The following ZNF705A variants were observed in gnomAD, a reference collection of about 807,000 sequenced individuals.
ZNF705A encodes the protein zinc finger protein 705A.
ZNF705A carries 8 observed loss-of-function variants against 16.6 expected under a neutral mutation model. The ratio of observed to expected loss-of-function variants is 0.48; its 90% CI spans 0.28 to 0.87. The LOEUF (loss-of-function observed/expected upper bound fraction) is 0.87, where lower values mean the gene tolerates loss of function less well. Ranked by LOEUF, ZNF705A falls within the 40% of genes least tolerant of loss-of-function variation. The pLI, the probability that ZNF705A is intolerant of heterozygous loss-of-function variation, is 0.10. For missense variants in ZNF705A, 233 were observed against 359.9 expected (o/e 0.65, Z 2.85); for synonymous variants, 73 against 117.3 (o/e 0.62, Z 2.44).
intron 4 of ZNF705A, among the ~76,000 whole-genome samples, chr12:8,176,511 C>T (rs942989576): frequency 6.6e-6 from 1 of 152,078 alleles, no homozygotes; most frequent in Non-Finnish European, 1.5e-5. Flanking sequence ...GATTTTTTCA[C>T]ATAAGATGAC....
chr12:8,174,589 A>G (rs1364056853), intron 2 of ZNF705A, 137 bp downstream of exon 3: 31 of 1,545,926 alleles, frequency 2.0e-5, no homozygotes, highest in Non-Finnish European at 2.7e-5. Context: ...AAAAAGTTTG[A>G]ACTTTCTAAA....
chr12:8,177,607 A>G (rs1211629286), exon 5 of ZNF705A: 1 of 1,522,930 alleles, frequency 6.6e-7, no homozygotes, highest in Admixed American at 1.8e-5. Context: ...GCACTGGAGA[A>G]AAGCCATATG....
chr12:8,167,234 C>T (rs1386627294), intron 1 of ZNF705A, among the ~76,000 whole-genome samples: 1 of 152,164 alleles, frequency 6.6e-6, no homozygotes, highest in Non-Finnish European at 1.5e-5. Flanking sequence ...CTTTCTAGTA[C>T]ATATAATACA....
intron 4 of ZNF705A, among the ~76,000 whole-genome samples, chr12:8,176,641 T>A (rs1257721175): frequency 6.6e-6 from 1 of 152,208 alleles, no homozygotes; most frequent in Admixed American, 6.5e-5. Context: ...TGGGGATGAC[T>A]GCACCTGTAA....
At chr12:8,170,540 T>TA (rs34079089), upstream of ZNF705A, among the ~76,000 whole-genome samples, 72,453 of 151,486 alleles carry the variant, frequency 0.48, 17,843 homozygotes, top group Non-Finnish European at 0.56. Context: ...TATGACCAGG[T>TA]AATGACTTTT....
exon 1 of ZNF705A, chr12:8,172,555 C>G: frequency 6.3e-7 from 1 of 1,588,236 alleles, no homozygotes; most frequent in Non-Finnish European, 8.5e-7. Context: ...CCAACCTCAG[C>G]TTTTCTTAGT....
At chr12:8,164,104 C>T (rs1948379515) in intron 1 of ZNF705A, among the ~76,000 whole-genome samples, 1 of 152,072 alleles carries the variant, frequency 6.6e-6, no homozygotes, top group Admixed American at 6.5e-5. Flanking sequence ...GGTAAGAATA[C>T]AAAATCTACC....
chr12:8,165,450 A>ATTTT (rs57581482), intron 1 of ZNF705A, among the ~76,000 whole-genome samples: 6 of 81,948 alleles, frequency 7.3e-5, no homozygotes, highest in Non-Finnish European at 9.1e-5. Context: ...GCCCAGCTAA[A>ATTTT]TTTTTTTTTT....
chr12:8,160,039 T>C (rs983650416), intron 1 of ZNF705A, among the ~76,000 whole-genome samples: 4 of 152,192 alleles, frequency 2.6e-5, no homozygotes, highest in Non-Finnish European at 5.9e-5. Flanking sequence ...TTCTCCTACA[T>C]GTGGCTAGCC....
At chr12:8,164,568 A>G (rs1948382756) in intron 1 of ZNF705A, among the ~76,000 whole-genome samples, 1 of 152,088 alleles carries the variant, frequency 6.6e-6, no homozygotes, top group Non-Finnish European at 1.5e-5. Flanking sequence ...TCCCACTTGT[A>G]AGTTAGAATG....
chr12:8,157,402 C>A (rs1156462497), intron 1 of ZNF705A, among the ~76,000 whole-genome samples: 1 of 152,078 alleles, frequency 6.6e-6, no homozygotes, highest in African/African-American at 2.4e-5. Context: ...AAAATAGAAA[C>A]CCTTTTTGGG....
In ZNF705A at chr12:8,159,206, C is replaced by A. The variant is rs181103864; in HGVS notation, c.-72+2114C>A. 2.5e-3 allele frequency among the ~76,000 whole-genome samples: 374 copies of A among 152,214 alleles called. 2 individuals are homozygous for A. Among genetic ancestry groups the A allele is most frequent in the African/African-American group, 8.3e-3 (346 of 41,544 alleles). ...ATATATACACCACATTTTCTTTATC[C>A]ACTTGTTGATTGACAGGCATTTGGG... On this transcript the variant is annotated intron_variant, in intron 1 of 5. Transcript: ENST00000396570.
At chr12:8,163,605 A>G (rs1248639504) in intron 1 of ZNF705A, among the ~76,000 whole-genome samples, 1 of 152,208 alleles carries the variant, frequency 6.6e-6, no homozygotes, top group Non-Finnish European at 1.5e-5. Flanking sequence ...TATGTTCTCT[A>G]TATGTATATA....
Position 8,166,000 on chromosome 12 carries a change from G to A in ZNF705A, c.-71-6555G>A, listed in dbSNP as rs190294555. 9.5e-4 allele frequency among the ~76,000 whole-genome samples: 145 copies of A among 152,254 alleles called. 1 individual carries two copies. The highest frequency in any genetic ancestry group is 7.7e-4 in the East Asian group (4 of 5,186). The stretch of plus-strand genomic sequence containing the variant: ...TATGAGTGCACACATCTTTATGGTA[G>A]AACAATTTATTTTCTTTTGGATACA... On this transcript the variant is annotated intron_variant, in intron 1 of 5. Transcript: ENST00000396570.
chr12:8,171,767 C>T (rs1413916857), upstream of ZNF705A, among the ~76,000 whole-genome samples: 4 of 152,058 alleles, frequency 2.6e-5, no homozygotes, highest in South Asian at 6.2e-4. Flanking sequence ...GACAGAGTCT[C>T]GCTCTGTCAC....
upstream of ZNF705A, among the ~76,000 whole-genome samples, chr12:8,172,318 C>T (rs934976996): frequency 4.0e-5 from 6 of 151,498 alleles, no homozygotes; most frequent in Admixed American, 6.6e-5. Context: ...TACAAAACTC[C>T]GTGCTTTTGA....
At chr12:8,169,552 G>A (rs1277146277), upstream of ZNF705A, among the ~76,000 whole-genome samples, 2 of 152,122 alleles carry the variant, frequency 1.3e-5, no homozygotes, top group East Asian at 3.8e-4. Context: ...TGTTTCCCTA[G>A]CACCTCAGAT....
At chr12:8,168,652 G>A (rs748554158), upstream of ZNF705A, among the ~76,000 whole-genome samples, 25 of 152,228 alleles carry the variant, frequency 1.6e-4, no homozygotes, top group South Asian at 6.2e-4. Flanking sequence ...AGCCAAATTC[G>A]TGGCCAAACT....
exon 5 of ZNF705A, chr12:8,177,550 G>A (rs1438483005): frequency 3.7e-6 from 6 of 1,612,400 alleles, no homozygotes; most frequent in Non-Finnish European, 5.1e-6. Context: ...TTCTATGTGG[G>A]AAGGCCTTCA....
Sources: gnomAD v4.1 joint callset for allele counts (sites outside exome capture counted in the v4.1 genomes callset) on GRCh38, gnomAD v4.1.1 for gene constraint, MANE v1.5 for transcripts, NCBI Gene and HGNC (gene_info 2026-07-23, HGNC 2026-07-21) for gene names.